Variants in UBXN11 observed in about 807,000 individuals in gnomAD.
UBXN11 encodes UBX domain protein 11, also known as UBX domain-containing protein 11.
In UBXN11, 47 loss-of-function variants were observed where a neutral mutation model predicts 62.8. The observed-to-expected ratio is 0.75, with a 90% CI of 0.59 to 0.95. The LOEUF (loss-of-function observed/expected upper bound fraction) is 0.95, where lower values mean the gene tolerates loss of function less well. UBXN11 is among the 40% of genes least tolerant of loss of function. The pLI, the probability that UBXN11 is intolerant of heterozygous loss-of-function variation, is 0.00. For synonymous variants in UBXN11, 294 were observed against 267.0 expected, an observed-to-expected ratio of 1.10 and a Z score of -0.99; for missense variants, 638 against 661.7, an observed-to-expected ratio of 0.96 and a Z score of 0.39.
chr1:26,284,664 C>T (rs1251910241), intron 10 of UBXN11, 182 bp from the exon 11 acceptor site: 12 of 1,365,626 alleles, frequency 8.8e-6, no homozygotes, highest in Admixed American at 3.5e-5. Flanking sequence ...TCCCTCAGCC[C>T]TGCTGCTCCT....
intron 3 of UBXN11, 108 bp downstream of exon 3, chr1:26,301,586 G>A: frequency 6.7e-7 from 1 of 1,487,580 alleles, no homozygotes; most frequent in Non-Finnish European, 9.2e-7. Flanking sequence ...GGAGGCCGCT[G>A]CTCCAGCTGA....
intron 10 of UBXN11, 30 bp from the exon 11 acceptor site, chr1:26,284,512 C>T (rs771222659): frequency 2.2e-5 from 35 of 1,565,286 alleles, no homozygotes; most frequent in South Asian, 2.0e-4. Context: ...ACGACGGCAG[C>T]GGACCCAGCT....
intron 4 of UBXN11, among the ~76,000 whole-genome samples, chr1:26,299,423 G>C (rs188028341): frequency 1.3e-5 from 2 of 150,544 alleles, no homozygotes; most frequent in Admixed American, 1.3e-4. Flanking sequence ...GAAGTGGGAG[G>C]ACTGCTTGAG....
chr1:26,299,228 G>C (rs2073468174), intron 4 of UBXN11, among the ~76,000 whole-genome samples: 2 of 152,094 alleles, frequency 1.3e-5, no homozygotes, highest in African/African-American at 4.8e-5. Context: ...GAAAAGCTGA[G>C]GGCCTGGGTG....
chr1:26,312,152 A>G (rs2073750124), intron 1 of UBXN11, among the ~76,000 whole-genome samples: 1 of 152,064 alleles, frequency 6.6e-6, no homozygotes, highest in African/African-American at 2.4e-5. Flanking sequence ...AACAAGTTCA[A>G]ATGTCCCCTC....
intron 7 of UBXN11, among the ~76,000 whole-genome samples, chr1:26,296,218 G>A (rs1173078759): frequency 6.6e-6 from 1 of 152,242 alleles, no homozygotes; most frequent in Non-Finnish European, 1.5e-5. Context: ...GCGGGGGAAA[G>A]AAAGGTGACT....
intron 8 of UBXN11, among the ~76,000 whole-genome samples, chr1:26,290,117 A>G (rs567670426): frequency 1.3e-5 from 2 of 152,366 alleles, no homozygotes; most frequent in East Asian, 3.9e-4. Context: ...CATCATGTGC[A>G]GATGACTGTT....
At chr1:26,316,695 A>T (rs892976306) in intron 1 of UBXN11, among the ~76,000 whole-genome samples, 1 of 152,092 alleles carries the variant, frequency 6.6e-6, no homozygotes, top group Non-Finnish European at 1.5e-5. Flanking sequence ...CACCTGCTGC[A>T]GGGCACCACA....
rs750143030 is a variant in UBXN11 at position 26,297,930 on chromosome 1, G to A, written c.300+32C>T. On this transcript the variant is annotated intron_variant, in intron 5 of 14. Transcript: ENST00000374222. ...GCCCAGTCCCTCCACCTCTCAGACC[G>A]GCCCCTGGCCCTCTCCCACCTGGAG... 12 of 1,607,300 alleles carry A rather than the reference G, an allele frequency of 7.5e-6. No individual in the cohort carries two copies. The African/African-American group carries it at 8.0e-5, about 11-fold the overall frequency.
chr1:26,289,117 A>G (rs1362936186), intron 8 of UBXN11, among the ~76,000 whole-genome samples: 1 of 152,072 alleles, frequency 6.6e-6, no homozygotes, highest in East Asian at 1.9e-4. Flanking sequence ...AACCCTCAAC[A>G]TGCCCCTCGC....
At position 26,285,158 on chromosome 1, in the gene UBXN11, G is replaced by A. The variant is rs139929537; in HGVS notation, c.852+306C>T. ...GCTTCAGGAGACTTGGGGGACAGCCGGGCCACTTCTGCAGGGACCCCAGGT... is the reference window on the plus strand; with the variant it reads ...GCTTCAGGAGACTTGGGGGACAGCCAGGCCACTTCTGCAGGGACCCCAGGT... On this transcript the variant is annotated intron_variant, in intron 10 of 14. Transcript: ENST00000374222. 1,765 of 1,148,152 alleles carry A rather than the reference G, an allele frequency of 1.5e-3. 20 individuals are homozygous for A. In the African/African-American group the frequency reaches 0.021, roughly 14 times the overall value. The allele number at this position is 1,148,152 out of a possible 1,614,324, so 71.1% of individuals were successfully genotyped here.
rs113730555 is a variant in UBXN11, at chr1:26,284,426, G to C, written c.909C>G (p.Gly303=). Residue 303 remains glycine, a synonymous_variant, in exon 11 of 15, where the codon GGC becomes GGG. Coordinates refer to ENST00000374222, the MANE Select transcript of UBXN11 (RefSeq NM_001389556.1). The part of the protein sequence containing the change: ...YLEDGLDPFP[G]EGRVVGRQLM... Reference sequence around the variant, plus strand: ...GCTGCCTGCCCACCACACGGCCCTCGCCTGGGAAGGGGTCCAGTCCATCCT... The same window carrying C: ...GCTGCCTGCCCACCACACGGCCCTCCCCTGGGAAGGGGTCCAGTCCATCCT... 6.2e-7 allele frequency: 1 copy of C among 1,613,780 alleles called. No individual in the cohort carries two copies. Among genetic ancestry groups the C allele is most frequent in the East Asian group, 2.2e-5 (1 of 44,878 alleles).
At chr1:26,309,289 G>T (rs1158159386), upstream of UBXN11, among the ~76,000 whole-genome samples, 12 of 131,242 alleles carry the variant, frequency 9.1e-5, no homozygotes, top group Admixed American at 1.0e-3. Context: ...TCGCCAGGCT[G>T]GAGTGCAGTG....
chr1:26,296,497 C>A (rs1312987861), intron 7 of UBXN11, among the ~76,000 whole-genome samples: 1 of 152,200 alleles, frequency 6.6e-6, no homozygotes, highest in Non-Finnish European at 1.5e-5. Context: ...GGAACAGCAA[C>A]AGCACGGCCC....
At chr1:26,289,221 TAA>T (rs997333007) in intron 8 of UBXN11, among the ~76,000 whole-genome samples, 8 of 152,128 alleles carry the variant, frequency 5.3e-5, no homozygotes, top group Non-Finnish European at 1.0e-4. Context: ...ATGAGGACGA[TAA>T]AAGTTTCCAC....
Position 26,282,362 on chromosome 1 carries a change from GCCGGGACCGGGA to G in UBXN11, c.1488_1499del (p.Gly498_Pro501del), listed in dbSNP as rs755065764. ...GGCCGGGACCGGGACCGGGACTGGGGCCGGGACCGGGACCGGGACTGGGGCCGGGACCGGGAC... is the reference window on the plus strand; with the variant it reads ...GGCCGGGACCGGGACCGGGACTGGGGCCGGGACTGGGGCCGGGACCGGGAC... On this transcript the variant is annotated inframe_deletion, in exon 15 of 15. Coordinates refer to ENST00000374222, the MANE Select transcript of UBXN11 (RefSeq NM_001389556.1). 7.3e-3 allele frequency: 4,005 copies of G among 549,188 alleles called. 176 individuals are homozygous for G. In the African/African-American group the frequency reaches 0.11, roughly 15 times the overall value. 34.0% of individuals were successfully genotyped at this position (549,188 alleles called of 1,614,324 possible). A position where few individuals can be genotyped will look rare whatever the true frequency, so the allele number is the denominator to read the frequency against.
intron 4 of UBXN11, among the ~76,000 whole-genome samples, chr1:26,299,725 G>A (rs914323177): frequency 2.0e-5 from 3 of 152,098 alleles, no homozygotes; most frequent in Non-Finnish European, 4.4e-5. Flanking sequence ...CTGTTACCTT[G>A]GTAGGGACAG....
At chr1:26,288,809 A>G (rs1421088914) in intron 8 of UBXN11, among the ~76,000 whole-genome samples, 1 of 152,148 alleles carries the variant, frequency 6.6e-6, no homozygotes, top group Non-Finnish European at 1.5e-5. Context: ...AGGCATCACC[A>G]TTTCTGTTTT....
intron 1 of UBXN11, among the ~76,000 whole-genome samples, chr1:26,303,666 G>A (rs1429505602): frequency 2.0e-5 from 3 of 146,974 alleles, no homozygotes; most frequent in Non-Finnish European, 4.5e-5. Context: ...CAGTCCATGT[G>A]ACACCAAGGT....
Sources: allele counts gnomAD v4.1 joint callset (sites outside exome capture counted in the v4.1 genomes callset), GRCh38; gene constraint gnomAD v4.1.1; transcripts MANE v1.5; gene names NCBI Gene and HGNC (gene_info 2026-07-23, HGNC 2026-07-21).